The following NPC1 variants were observed in gnomAD, a reference collection of about 807,000 sequenced individuals.
NPC1 encodes NPC intracellular cholesterol transporter 1.
NPC1 carries 85 observed loss-of-function variants against 140.4 expected under a neutral mutation model. The ratio of observed to expected loss-of-function variants is 0.61; its 90% confidence interval spans 0.51 to 0.72. The LOEUF is 0.72. NPC1 is among the 30% of genes least tolerant of loss of function. The probability of loss-of-function intolerance (pLI) is 0.00; values close to 1 mark genes in which losing one functional copy is unlikely to be tolerated. For missense variants in NPC1, 1,504 were observed against 1,623.8 expected (o/e 0.93, Z 1.27); for synonymous variants, 656 against 624.8 (o/e 1.05, Z -0.74).
intron 1 of NPC1, 83 bp downstream of exon 1, chr18:23,586,204 G>C (rs2059416704): frequency 6.9e-7 from 1 of 1,448,618 alleles, no homozygotes; most frequent in African/African-American, 1.4e-5. Flanking sequence ...CCGGGCCTGA[G>C]CCGTCGCTGG....
chr18:23,529,041 G>C, downstream of NPC1: 3 of 1,398,854 alleles, frequency 2.1e-6, no homozygotes, highest in South Asian at 4.2e-5. Flanking sequence ...ACAGGAAAAA[G>C]TTGTATCTAA....
chr18:23,531,886 CCTTTACA>C lies in NPC1; in HGVS notation c.*309_*315del, dbSNP rs145236115. 11,361 of 1,443,394 alleles carry C rather than the reference CCTTTACA, an allele frequency of 7.9e-3. 74 individuals carry two copies. Among genetic ancestry groups the C allele is most frequent in the Non-Finnish European group, 8.8e-3 (9,771 of 1,106,028 alleles). 89.4% of individuals were successfully genotyped at this position (1,443,394 alleles called of 1,614,324 possible). ...GAGAGACAGACAGTGCATTGATTGG[CCTTTACA>C]GAGTGTCAGTGAGCGGATCACATTC... is the stretch of plus-strand genomic sequence containing the variant. On this transcript the variant is annotated 3_prime_UTR_variant, in exon 25 of 25. Transcript: ENST00000269228.
rs781398922 is a variant in NPC1 at position 23,544,915 on chromosome 18, A to ACTG, written c.1947+42_1947+44dup. 3 of 1,307,520 alleles carry ACTG rather than the reference A, an allele frequency of 2.3e-6. No homozygotes were observed. The South Asian group carries it at 3.6e-5, about 16-fold the overall frequency. The allele number at this position is 1,307,520 out of a possible 1,614,324, so 81.0% of individuals were successfully genotyped here. A position where few individuals can be genotyped will look rare whatever the true frequency, so the allele number is the denominator to read the frequency against. On this transcript the variant is annotated intron_variant, in intron 12 of 24. Coordinates refer to ENST00000269228, the MANE Select transcript of NPC1 (RefSeq NM_000271.5). ...GCAAAAATATGACGTTACACTGTGC[A>ACTG]CTGCTGTTAACCTCTAGAACATACA...
rs193214726 is a variant in NPC1 at position 23,559,767 on chromosome 18, C to T, written c.881+464G>A. Among the ~76,000 whole-genome samples, 275 of 152,088 alleles carry T rather than the reference C, an allele frequency of 1.8e-3. 1 individual carries two copies. The highest frequency in any genetic ancestry group is 6.2e-3 in the African/African-American group (257 of 41,510). On this transcript the variant is annotated intron_variant, in intron 6 of 24. Transcript: ENST00000269228. ...GAGTTGGAGATCAGCCTGGCCAACA[C>T]GGTGAAACCCCGTCTCTACTAAAAA... is the stretch of plus-strand genomic sequence containing the variant.
At chr18:23,548,506 C>T (rs561053263) in intron 10 of NPC1, among the ~76,000 whole-genome samples, 4 of 152,308 alleles carry the variant, frequency 2.6e-5, no homozygotes, top group South Asian at 2.1e-4. Context: ...CCACTCCACA[C>T]ACACACAAGC....
chr18:23,533,634 G>A (rs2058576883), intron 23 of NPC1, 117 bp from the exon 24 acceptor site: 2 of 1,034,462 alleles, frequency 1.9e-6, no homozygotes, highest in African/African-American at 1.6e-5. Flanking sequence ...AGCCTCCTGA[G>A]TAGCTGGGAT....
At position 23,536,867 on chromosome 18, in the gene NPC1, A is replaced by G. The variant is rs2145358114; in HGVS notation, c.3051T>C (p.Ala1017=). 6.2e-7 allele frequency: 1 copy of G among 1,613,908 alleles called. No individual in the cohort carries two copies. Among genetic ancestry groups the G allele is most frequent in the African/African-American group, 1.3e-5 (1 of 75,054 alleles). Residue 1017 remains alanine (A), a synonymous_variant, in exon 21 of 25, where the codon GCT becomes GCC. Coordinates refer to ENST00000269228, the MANE Select transcript of NPC1 (RefSeq NM_000271.5). ...GGATGTTAACTGCAGAACTATAGGC[A>G]GCATGTCCCCTGAGGAAAGAATCCT... is the stretch of plus-strand genomic sequence containing the variant. ...PNPKCGKGGH[A]AYSSAVNILL...
Sources: gnomAD v4.1 joint callset for allele counts (sites outside exome capture counted in the v4.1 genomes callset) on GRCh38, gnomAD v4.1.1 for gene constraint, MANE v1.5 for transcripts, NCBI Gene and HGNC (gene_info 2026-07-23, HGNC 2026-07-21) for gene names.